The following EIF2S3B variants were observed in gnomAD, a reference collection of about 807,000 sequenced individuals.
The protein encoded by EIF2S3B is eukaryotic translation initiation factor 2 subunit gamma B, also known as eukaryotic translation initiation factor 2 subunit 3B.
A neutral mutation model predicts 26.4 loss-of-function variants in EIF2S3B; 16 were observed. The observed-to-expected ratio is 0.61, with a 90% confidence interval of 0.41 to 0.92. The LOEUF is 0.92. EIF2S3B is among the 40% of genes least tolerant of loss of function. EIF2S3B has a pLI of 0.00. For missense variants in EIF2S3B, 510 were observed against 575.5 expected (o/e 0.89, Z 1.16); for synonymous variants, 183 against 204.4 (o/e 0.90, Z 0.89).
intron 1 of EIF2S3B, among the ~76,000 whole-genome samples, chr12:10,518,974 C>A (rs924540083): frequency 6.6e-6 from 1 of 151,900 alleles, no homozygotes; most frequent in African/African-American, 2.4e-5. Context: ...CATCAAGCTA[C>A]CAATGACTTT....
At chr12:10,509,949 T>C (rs1291622059), downstream of EIF2S3B, among the ~76,000 whole-genome samples, 1 of 152,168 alleles carries the variant, frequency 6.6e-6, no homozygotes, top group Non-Finnish European at 1.5e-5. Flanking sequence ...CCTATTTTTT[T>C]CCATGGACAT....
chr12:10,510,693 T>C (rs1317724187), downstream of EIF2S3B, among the ~76,000 whole-genome samples: 2 of 152,140 alleles, frequency 1.3e-5, no homozygotes, highest in Admixed American at 1.3e-4. Context: ...ACATAGCTCT[T>C]CTACCAAATT....
rs777963864 is a variant in EIF2S3B at position 10,506,008 on chromosome 12, AT to A, written c.107del (p.Ile36ThrfsTer9). 2.5e-6 allele frequency: 4 copies of A among 1,605,922 alleles called. No homozygotes were observed. ...GTTGACGCCACTTTCACACGAAGTT[AT>A]CAGCAGACAAGCCACAATTAATATA... ...TKLTPLSHEVISRQATINIGT... is the reference protein window; with the variant it reads ...TKLTPLSHEVXSRQATINIGT... On this transcript the variant is annotated frameshift_variant, in exon 1 of 1. Transcript: ENST00000538173. LOFTEE classifies it high-confidence loss of function.
chr12:10,509,883 C>G (rs903740777), downstream of EIF2S3B, among the ~76,000 whole-genome samples: 1 of 151,940 alleles, frequency 6.6e-6, no homozygotes, highest in African/African-American at 2.4e-5. Flanking sequence ...ATTTTATGGG[C>G]ACATAAAGAA....
At chr12:10,516,917 T>C (rs1372613879) in intron 1 of EIF2S3B, among the ~76,000 whole-genome samples, 1 of 150,794 alleles carries the variant, frequency 6.6e-6, no homozygotes, top group African/African-American at 2.4e-5. Context: ...TTACATTTAT[T>C]GATTTGCGTA....
downstream of EIF2S3B, among the ~76,000 whole-genome samples, chr12:10,512,362 T>G (rs1168935196): frequency 6.6e-6 from 1 of 152,142 alleles, no homozygotes; most frequent in African/African-American, 2.4e-5. Flanking sequence ...CACAAAACTG[T>G]ACAGATGCAG....
Position 10,506,719 on chromosome 12 carries a change from G to T in EIF2S3B, c.817G>T (p.Asp273Tyr). The T allele has an allele frequency of 6.2e-7, 1 of 1,614,070 alleles. No individual in the cohort carries two copies. The highest frequency in any genetic ancestry group is 8.5e-7 in the Non-Finnish European group (1 of 1,179,920). Residue 273 changes from aspartate to tyrosine, a missense_variant, in exon 1 of 1, where the codon GAC becomes TAC. Transcript: ENST00000538173. ...DVNKPGCEVD[D>Y]LKGGVAGGSI... Reference sequence around the variant, plus strand: ...CAACAAACCTGGCTGTGAAGTTGATGACCTTAAGGGAGGTGTAGCTGGTGG... The same window carrying T: ...CAACAAACCTGGCTGTGAAGTTGATTACCTTAAGGGAGGTGTAGCTGGTGG...
downstream of EIF2S3B, among the ~76,000 whole-genome samples, chr12:10,510,777 A>G (rs1864696802): frequency 6.6e-6 from 1 of 152,178 alleles, no homozygotes; most frequent in South Asian, 2.1e-4. Flanking sequence ...ACATTCGGAA[A>G]TCTTGACTTC....
At position 10,507,464 on chromosome 12, in the gene EIF2S3B, T is replaced by G; in HGVS notation, c.*143T>G. On this transcript the variant is annotated 3_prime_UTR_variant, in exon 1 of 1. Coordinates refer to ENST00000538173, the MANE Select transcript of EIF2S3B (RefSeq NM_001357734.3). ...AGTAGGTAACGGTAAGGTTATTCTC[T>G]CTTTTTTTTTTTGGTTATGAAAACT... 1 of 951,608 alleles carries G rather than the reference T, an allele frequency of 1.1e-6. No individual in the cohort carries two copies. Among genetic ancestry groups the G allele is most frequent in the Non-Finnish European group, 1.5e-6 (1 of 646,014 alleles). The allele number at this position is 951,608 out of a possible 1,614,324, so 58.9% of individuals were successfully genotyped here.
intron 1 of EIF2S3B, among the ~76,000 whole-genome samples, chr12:10,515,881 CA>C (rs1356876484): frequency 1.3e-5 from 2 of 151,032 alleles, no homozygotes; most frequent in African/African-American, 4.9e-5. Flanking sequence ...ATATTATATA[CA>C]TACTACATAC....
At chr12:10,511,011 A>G (rs565879011), downstream of EIF2S3B, among the ~76,000 whole-genome samples, 63 of 152,278 alleles carry the variant, frequency 4.1e-4, no homozygotes, top group African/African-American at 1.5e-3. Flanking sequence ...TATAATATAG[A>G]AAATAGATTT....
At chr12:10,511,182 C>T (rs186270361), downstream of EIF2S3B, among the ~76,000 whole-genome samples, 63 of 151,674 alleles carry the variant, frequency 4.2e-4, no homozygotes, top group Admixed American at 1.2e-3. Flanking sequence ...TGATCTTTAA[C>T]TCTAGAAAGA....
chr12:10,516,938 G>A (rs1864763928), intron 1 of EIF2S3B, among the ~76,000 whole-genome samples: 2 of 150,520 alleles, frequency 1.3e-5, no homozygotes, highest in South Asian at 4.3e-4. Context: ...TATTGAACCA[G>A]CCTTGCATCC....
At chr12:10,520,851 G>C (rs140997989) in intron 1 of EIF2S3B, among the ~76,000 whole-genome samples, 2,844 of 152,188 alleles carry the variant, frequency 0.019, 39 homozygotes, top group Non-Finnish European at 0.024. Context: ...AAGCATGATA[G>C]TCAAGAAAAA....
Position 10,507,067 on chromosome 12 carries a change from G to A in EIF2S3B, c.1165G>A (p.Asp389Asn), listed in dbSNP as rs61734590. The A allele has an allele frequency of 6.7e-3, 10,835 of 1,613,762 alleles. 431 individuals are homozygous for A. The African/African-American group carries it at 0.1, about 15-fold the overall frequency. Residue 389 changes from aspartate to asparagine, a missense_variant, in exon 1 of 1, where the codon GAC becomes AAC. Transcript: ENST00000538173. The stretch of plus-strand genomic sequence containing the variant: ...GCTTCTAGGTGTACGCACTGAAGGA[G>A]ACAAGAAAGCAGCAAAGGTTCAAAA... ...RRLLGVRTEGDKKAAKVQKLS... is the reference protein window; with the variant it reads ...RRLLGVRTEGNKKAAKVQKLS...
At position 10,507,306 on chromosome 12, in the gene EIF2S3B, A is replaced by G; in HGVS notation, c.1404A>G (p.Thr468=). 6.2e-7 allele frequency: 1 copy of G among 1,613,278 alleles called. No individual in the cohort carries two copies. The highest frequency in any genetic ancestry group is 8.5e-7 in the Non-Finnish European group (1 of 1,179,178). ...QIRRGVTIKP[T]VDDD Reference sequence around the variant, plus strand: ...GAAGAGGAGTGACAATCAAGCCAACAGTAGATGATGACTGAAGAATACCGG... The same window carrying G: ...GAAGAGGAGTGACAATCAAGCCAACGGTAGATGATGACTGAAGAATACCGG... Residue 468 remains threonine, a synonymous_variant, in exon 1 of 1, where the codon ACA becomes ACG. Transcript: ENST00000538173.
At chr12:10,522,281 G>C (rs1864839862) in intron 1 of EIF2S3B, among the ~76,000 whole-genome samples, 1 of 152,164 alleles carries the variant, frequency 6.6e-6, no homozygotes, top group South Asian at 2.1e-4. Flanking sequence ...GCTGCAGTGA[G>C]CCATGATTGT....
rs569072881 is a variant in EIF2S3B at position 10,507,696 on chromosome 12, G to A, written c.*375G>A. Among the ~76,000 whole-genome samples, 2 of 152,148 alleles carry A rather than the reference G, an allele frequency of 1.3e-5. No homozygotes were observed. Among genetic ancestry groups the A allele is most frequent in the African/African-American group, 4.8e-5 (2 of 41,430 alleles). ...CAATCTCTGCCTCCCAGGTTCAAGCGATTCTCCTGCCTCAGCCCCCCAAGT... is the reference window on the plus strand; with the variant it reads ...CAATCTCTGCCTCCCAGGTTCAAGCAATTCTCCTGCCTCAGCCCCCCAAGT... On this transcript the variant is annotated 3_prime_UTR_variant, in exon 1 of 1. Transcript: ENST00000538173.
intron 1 of EIF2S3B, among the ~76,000 whole-genome samples, chr12:10,515,713 C>A (rs1346490682): frequency 6.6e-6 from 1 of 151,712 alleles, no homozygotes; most frequent in Non-Finnish European, 1.5e-5. Flanking sequence ...AAAGATTCTC[C>A]CAACTCACTG....
Sources: gnomAD v4.1 joint callset for allele counts (sites outside exome capture counted in the v4.1 genomes callset) on GRCh38, gnomAD v4.1.1 for gene constraint, MANE v1.5 for transcripts, NCBI Gene and HGNC (gene_info 2026-07-23, HGNC 2026-07-21) for gene names.